USP45: variants seen among roughly 807,000 people sequenced by gnomAD.
USP45 encodes ubiquitin carboxyl-terminal hydrolase 45.
USP45 carries 89 observed loss-of-function variants against 95.8 expected under a neutral mutation model. That is an observed-to-expected ratio of 0.93 (90% CI 0.78 to 1.11). The LOEUF (loss-of-function observed/expected upper bound fraction) is 1.11, where lower values mean the gene tolerates loss of function less well. Ranked by LOEUF, USP45 falls within the 50% of genes least tolerant of loss-of-function variation. The pLI is 0.00. For missense variants in USP45, 898 were observed against 942.5 expected, an observed-to-expected ratio of 0.95 and a Z score of 0.62; for synonymous variants, 281 against 316.2, an observed-to-expected ratio of 0.89 and a Z score of 1.18.
At chr6:99,498,419 G>A (rs1016778494) in intron 5 of USP45, among the ~76,000 whole-genome samples, 2 of 152,106 alleles carry the variant, frequency 1.3e-5, no homozygotes, top group Admixed American at 6.6e-5. Context: ...AGTCTTGAGA[G>A]AAAATAAGAC....
intron 13 of USP45, among the ~76,000 whole-genome samples, chr6:99,453,368 A>T (rs1784336573): frequency 6.6e-6 from 1 of 152,132 alleles, no homozygotes; most frequent in Non-Finnish European, 1.5e-5. Context: ...ATACACTAAC[A>T]ACAAAGTAGC....
rs984006723 is a variant in USP45 at position 99,478,231 on chromosome 6, T to G, written c.846-2001A>C. 8.7e-5 allele frequency among the ~76,000 whole-genome samples: 13 copies of G among 150,034 alleles called. No individual in the cohort carries two copies. The East Asian group carries it at 9.7e-4, about 11-fold the overall frequency. ...ATAAACTTAGATTTGTTTTTTTTTT[T>G]TTTTTTTTTTTTTAACCTAGGAATG... On this transcript the variant is annotated intron_variant, in intron 8 of 17. Transcript: ENST00000500704.
At chr6:99,448,633 A>C (rs1050016254) in intron 13 of USP45, among the ~76,000 whole-genome samples, 7 of 152,214 alleles carry the variant, frequency 4.6e-5, no homozygotes, top group Non-Finnish European at 8.8e-5. Flanking sequence ...CTTCCCCAAC[A>C]TAGCAAGGCA....
intron 13 of USP45, among the ~76,000 whole-genome samples, chr6:99,454,454 A>G (rs1281446083): frequency 6.6e-6 from 1 of 152,208 alleles, no homozygotes; most frequent in Admixed American, 6.5e-5. Context: ...ATGGGACTAC[A>G]CTGTAAAAAG....
intron 14 of USP45, among the ~76,000 whole-genome samples, chr6:99,445,021 C>T (rs1782216404): frequency 6.6e-6 from 1 of 152,138 alleles, no homozygotes; most frequent in South Asian, 2.1e-4. Flanking sequence ...TTATTTTCCC[C>T]CTTTCTCCAC....
chr6:99,458,030 T>C (rs1785473530), intron 13 of USP45, among the ~76,000 whole-genome samples: 1 of 152,136 alleles, frequency 6.6e-6, no homozygotes, highest in African/African-American at 2.4e-5. Flanking sequence ...TTACTATTAG[T>C]ATTATTTTGA....
intron 9 of USP45, among the ~76,000 whole-genome samples, chr6:99,474,075 G>C (rs1320800372): frequency 1.3e-5 from 2 of 152,122 alleles, no homozygotes; most frequent in Admixed American, 6.5e-5. Flanking sequence ...TAGCAGGAGA[G>C]AGTAATTAAC....
At chr6:99,458,301 G>A (rs1227865056) in intron 13 of USP45, among the ~76,000 whole-genome samples, 3 of 152,188 alleles carry the variant, frequency 2.0e-5, no homozygotes, top group African/African-American at 7.2e-5. Context: ...TTACAGGCGT[G>A]AGCCACCGCA....
At chr6:99,455,375 C>T (rs1039076146) in intron 13 of USP45, among the ~76,000 whole-genome samples, 3 of 151,880 alleles carry the variant, frequency 2.0e-5, no homozygotes, top group African/African-American at 7.3e-5. Context: ...CACTTGAACC[C>T]AGGAGGAAGA....
chr6:99,507,175 C>T (rs570235153), intron 4 of USP45, among the ~76,000 whole-genome samples: 16 of 152,190 alleles, frequency 1.1e-4, no homozygotes, highest in Non-Finnish European at 2.4e-4. Flanking sequence ...CCACTGCACT[C>T]CAGCCTTGGC....
At chr6:99,477,695 T>G (rs1024148863) in intron 8 of USP45, among the ~76,000 whole-genome samples, 1 of 152,222 alleles carries the variant, frequency 6.6e-6, no homozygotes, top group African/African-American at 2.4e-5. Context: ...AGTCCCTGAC[T>G]GCTAAAACAT....
chr6:99,440,119 G>GA (rs1332126255), intron 15 of USP45, among the ~76,000 whole-genome samples: 2 of 152,030 alleles, frequency 1.3e-5, no homozygotes, highest in African/African-American at 4.8e-5. Context: ...AACACTTATG[G>GA]AAAAATAAAT....
intron 13 of USP45, among the ~76,000 whole-genome samples, 166 bp from the exon 14 acceptor site, chr6:99,446,629 T>C (rs1365493378): frequency 6.6e-6 from 1 of 152,260 alleles, no homozygotes; most frequent in South Asian, 2.1e-4. Flanking sequence ...AAAATAGTTC[T>C]ATTTTAAAAG....
Position 99,511,094 on chromosome 6 carries a change from C to A in USP45, c.-10-864G>T, listed in dbSNP as rs111682309. On this transcript the variant is annotated intron_variant, in intron 1 of 17. Transcript: ENST00000500704. ...GGGGTTTTTCACTCTAGCTTTTTAT[C>A]ATGAAAAATTTTAAACATCTACAAA... 8.5e-3 allele frequency among the ~76,000 whole-genome samples: 1,290 copies of A among 152,164 alleles called. 17 individuals are homozygous for A. The highest frequency in any genetic ancestry group is 0.028 in the African/African-American group (1,170 of 41,528).
intron 8 of USP45, among the ~76,000 whole-genome samples, chr6:99,479,374 G>T (rs1181100726): frequency 6.6e-6 from 1 of 151,576 alleles, no homozygotes; most frequent in East Asian, 1.9e-4. Context: ...CACACCTCTG[G>T]CTAATTTTTT....
At chr6:99,450,457 A>C (rs1783600177) in intron 13 of USP45, among the ~76,000 whole-genome samples, 1 of 152,226 alleles carries the variant, frequency 6.6e-6, no homozygotes, top group Non-Finnish European at 1.5e-5. Flanking sequence ...ATTCCTCCAC[A>C]CATACACCCT....
rs561289828 is a variant in USP45, at chr6:99,461,848, G to C, written c.1308+2756C>G. 1,293 of 983,054 alleles carry C rather than the reference G, an allele frequency of 1.3e-3. 1 individual carries two copies. Among genetic ancestry groups the C allele is most frequent in the Non-Finnish European group, 1.5e-3 (1,240 of 827,856 alleles). The allele number at this position is 983,054 out of a possible 1,614,324, so 60.9% of individuals were successfully genotyped here. On this transcript the variant is annotated intron_variant, in intron 13 of 17. Transcript: ENST00000500704. ...AAATATCTTTATACTCTTATTAACA[G>C]CTTCACTAATCAGCAAAACAAGACT... is the stretch of plus-strand genomic sequence containing the variant.
At chr6:99,470,413 C>T (rs1789123063) in intron 9 of USP45, among the ~76,000 whole-genome samples, 1 of 152,184 alleles carries the variant, frequency 6.6e-6, no homozygotes, top group South Asian at 2.1e-4. Context: ...TCACTTATTA[C>T]TAACTGGCCT....
chr6:99,458,149 G>T (rs7767584), intron 13 of USP45, among the ~76,000 whole-genome samples: 149,120 of 152,268 alleles, frequency 0.98, 73,098 homozygotes, highest in East Asian at 1. Context: ...ACCTCCCAAG[G>T]AGCTGGATTA....
Sources: gnomAD v4.1 joint callset for allele counts (sites outside exome capture counted in the v4.1 genomes callset) on GRCh38, gnomAD v4.1.1 for gene constraint, MANE v1.5 for transcripts, NCBI Gene and HGNC (gene_info 2026-07-23, HGNC 2026-07-21) for gene names.